JAK1: variants seen among roughly 807,000 people sequenced by gnomAD.
JAK1 encodes the protein tyrosine-protein kinase JAK1.
A neutral mutation model predicts 136.6 loss-of-function variants in JAK1; 16 were observed. The ratio of observed to expected loss-of-function variants is 0.12; its 90% CI spans 0.08 to 0.18. The LOEUF (loss-of-function observed/expected upper bound fraction) is 0.18, where lower values mean the gene tolerates loss of function less well. JAK1 is among the 10% of genes least tolerant of loss of function. JAK1 has a pLI of 1.00. For synonymous variants in JAK1, 492 were observed against 519.5 expected, an observed-to-expected ratio of 0.95 and a Z score of 0.72; for missense variants, 859 against 1,450.1, an observed-to-expected ratio of 0.59 and a Z score of 6.62.
At chr1:65,013,345 A>G (rs1646865710) in intron 2 of JAK1, among the ~76,000 whole-genome samples, 1 of 151,674 alleles carries the variant, frequency 6.6e-6, no homozygotes, top group Non-Finnish European at 1.5e-5. Flanking sequence ...GCGGTGAGCC[A>G]AGATCATGCC....
In JAK1 at chr1:65,056,003, C is replaced by A. The variant is rs1271322978; in HGVS notation, c.-180-11421G>T. Among the ~76,000 whole-genome samples the A allele has an allele frequency of 2.0e-5, 3 of 152,140 alleles. No homozygotes were observed. In the East Asian group the frequency reaches 5.8e-4, roughly 29 times the overall value. The stretch of plus-strand genomic sequence containing the variant: ...GAAGGTGGTGAAATCTTCACCAAGG[C>A]CAATGATTGCACAACACATAACTTC... On this transcript the variant is annotated intron_variant, in intron 1 of 25. Transcript: ENST00000671954.
chr1:64,845,707 A>T (rs1655188557), intron 14 of JAK1, 67 bp from the exon 15 acceptor site: 1 of 1,586,866 alleles, frequency 6.3e-7, no homozygotes, highest in Non-Finnish European at 8.6e-7. Flanking sequence ...TCATCCCCTT[A>T]CGACAGTCCA....
intron 1 of JAK1, among the ~76,000 whole-genome samples, chr1:64,949,513 G>A (rs1320729209): frequency 2.0e-5 from 3 of 152,174 alleles, no homozygotes; most frequent in Admixed American, 6.5e-5. Context: ...TGCACATTGT[G>A]CACTTACAGA....
chr1:64,951,576 C>T, intron 1 of JAK1, among the ~76,000 whole-genome samples: 1 of 151,670 alleles, frequency 6.6e-6, no homozygotes, highest in East Asian at 1.9e-4. Flanking sequence ...CACAGAAGCC[C>T]TTAAAGCATA....
chr1:64,889,732 C>CTA, intron 1 of JAK1, among the ~76,000 whole-genome samples: 1 of 152,294 alleles, frequency 6.6e-6, no homozygotes, highest in Admixed American at 6.5e-5. Context: ...CTGGAACTCT[C>CTA]TTAAATTTTC....
intron 2 of JAK1, among the ~76,000 whole-genome samples, chr1:65,031,790 C>G (rs1202682561): frequency 6.6e-6 from 1 of 151,742 alleles, no homozygotes; most frequent in Non-Finnish European, 1.5e-5. Flanking sequence ...ATGCCAGAGA[C>G]AGAGAGAGAA....
intron 1 of JAK1, among the ~76,000 whole-genome samples, chr1:65,064,147 T>TA (rs989578744): frequency 1.3e-5 from 2 of 152,228 alleles, no homozygotes; most frequent in African/African-American, 4.8e-5. Flanking sequence ...TCAAAACACT[T>TA]AGTTTCAAAA....
intron 2 of JAK1, among the ~76,000 whole-genome samples, chr1:64,978,999 C>G (rs1449910326): frequency 2.0e-5 from 3 of 152,168 alleles, no homozygotes; most frequent in Non-Finnish European, 4.4e-5. Context: ...TGTCCACGTA[C>G]AGGTTATTGG....
chr1:65,038,426 C>T (rs1382233066), intron 2 of JAK1, among the ~76,000 whole-genome samples: 1 of 151,516 alleles, frequency 6.6e-6, no homozygotes, highest in Non-Finnish European at 1.5e-5. Flanking sequence ...CTGGAACTCC[C>T]GACCTCAGGT....
chr1:64,886,338 A>C lies in JAK1; in HGVS notation c.-74T>G. 1.3e-6 allele frequency: 2 copies of C among 1,522,740 alleles called. No individual in the cohort carries two copies. Among genetic ancestry groups the C allele is most frequent in the Non-Finnish European group, 1.8e-6 (2 of 1,140,056 alleles). The allele number at this position is 1,522,740 out of a possible 1,614,324, so 94.3% of individuals were successfully genotyped here. A position where few individuals can be genotyped will look rare whatever the true frequency, so the allele number is the denominator to read the frequency against. Reference sequence around the variant, plus strand: ...CTACTTTCCAAAGCTACTTCAGAGAAGCGCTAAAGACAAAAATAAATAAAT... The same window carrying C: ...CTACTTTCCAAAGCTACTTCAGAGACGCGCTAAAGACAAAAATAAATAAAT... On this transcript the variant is annotated 5_prime_UTR_variant, in exon 2 of 25. Coordinates refer to ENST00000342505, the MANE Select transcript of JAK1 (RefSeq NM_002227.4).
chr1:64,948,381 T>C (rs1467379613), intron 1 of JAK1, among the ~76,000 whole-genome samples: 2 of 152,212 alleles, frequency 1.3e-5, no homozygotes, highest in Non-Finnish European at 1.5e-5. Context: ...GTCAAACCAG[T>C]TTCATATCTA....
intron 1 of JAK1, among the ~76,000 whole-genome samples, chr1:64,932,092 T>G (rs764718569): frequency 4.6e-5 from 7 of 150,928 alleles, no homozygotes; most frequent in Non-Finnish European, 1.0e-4. Flanking sequence ...ATACCAACAC[T>G]GTGAGGTAGA....
chr1:64,952,754 C>T (rs1646113891), intron 1 of JAK1, among the ~76,000 whole-genome samples: 1 of 152,126 alleles, frequency 6.6e-6, no homozygotes, highest in Admixed American at 6.5e-5. Context: ...GGGCTGTTTA[C>T]ACAGGGAGGA....
intron 1 of JAK1, among the ~76,000 whole-genome samples, chr1:64,900,379 T>C (rs1645085942): frequency 2.0e-5 from 3 of 152,136 alleles, no homozygotes; most frequent in Admixed American, 1.3e-4. Context: ...GATAAAGGTG[T>C]AATCAAAGGT....
At chr1:64,875,063 CTGATTT>C (rs1251952268) in intron 4 of JAK1, among the ~76,000 whole-genome samples, 1 of 152,182 alleles carries the variant, frequency 6.6e-6, no homozygotes, top group Non-Finnish European at 1.5e-5. Context: ...ACTATGTTTT[CTGATTT>C]TAAGTGAAAT....
chr1:65,056,910 G>GA (rs907604144), intron 1 of JAK1, among the ~76,000 whole-genome samples: 6 of 134,438 alleles, frequency 4.5e-5, no homozygotes, highest in South Asian at 5.1e-4. Context: ...ACCGCAGACT[G>GA]AGACTCTTTC....
chr1:65,012,015 T>A (rs984239205), intron 2 of JAK1, among the ~76,000 whole-genome samples: 1 of 152,106 alleles, frequency 6.6e-6, no homozygotes, highest in African/African-American at 2.4e-5. Context: ...GAGGGCCCAG[T>A]TTGGGCGCCT....
At chr1:64,869,862 G>T (rs1656967316) in intron 5 of JAK1, among the ~76,000 whole-genome samples, 1 of 152,186 alleles carries the variant, frequency 6.6e-6, no homozygotes, top group South Asian at 2.1e-4. Context: ...AGATGGCCTT[G>T]TCTAGGAGCT....
intron 2 of JAK1, among the ~76,000 whole-genome samples, chr1:64,999,006 C>A (rs1212759951): frequency 6.6e-6 from 1 of 152,172 alleles, no homozygotes; most frequent in African/African-American, 2.4e-5. Flanking sequence ...AAATTTGATT[C>A]ATTTTTCTGC....
Sources: allele counts gnomAD v4.1 joint callset (sites outside exome capture counted in the v4.1 genomes callset), GRCh38; gene constraint gnomAD v4.1.1; transcripts MANE v1.5; gene names NCBI Gene and HGNC (gene_info 2026-07-23, HGNC 2026-07-21).